Variants in SH3GLB1 observed in about 807,000 individuals in gnomAD.
SH3GLB1 encodes endophilin-B1.
In SH3GLB1, 17 loss-of-function variants were observed where a neutral mutation model predicts 42.0. The ratio of observed to expected loss-of-function variants is 0.40; its 90% CI spans 0.28 to 0.61. SH3GLB1 has a LOEUF of 0.61. Ranked by LOEUF, SH3GLB1 falls within the 20% of genes least tolerant of loss-of-function variation. The pLI, the probability that SH3GLB1 is intolerant of heterozygous loss-of-function variation, is 0.36. For missense variants in SH3GLB1, 355 were observed against 426.3 expected, an observed-to-expected ratio of 0.83 and a Z score of 1.47; for synonymous variants, 132 against 146.6, an observed-to-expected ratio of 0.90 and a Z score of 0.72.
At chr1:86,725,233 A>G (rs1655133352) in intron 5 of SH3GLB1, among the ~76,000 whole-genome samples, 1 of 151,870 alleles carries the variant, frequency 6.6e-6, no homozygotes, top group African/African-American at 2.4e-5. Flanking sequence ...CACTGCTCAA[A>G]CTAACTAAAA....
At chr1:86,740,047 G>A in intron 7 of SH3GLB1, among the ~76,000 whole-genome samples, 1 of 152,106 alleles carries the variant, frequency 6.6e-6, no homozygotes, top group East Asian at 1.9e-4. Context: ...TCAGGAAGCT[G>A]AGGCGAGAGA....
At chr1:86,739,078 T>A (rs1474887484) in intron 7 of SH3GLB1, among the ~76,000 whole-genome samples, 1 of 152,228 alleles carries the variant, frequency 6.6e-6, no homozygotes. Flanking sequence ...CAGTTTTAAA[T>A]ATGTTAAGTT....
At chr1:86,713,171 T>G (rs934066277) in intron 1 of SH3GLB1, among the ~76,000 whole-genome samples, 5 of 152,076 alleles carry the variant, frequency 3.3e-5, no homozygotes, top group Non-Finnish European at 7.4e-5. Context: ...AGAGATAGGG[T>G]CTTGCTGTGT....
At chr1:86,739,077 A>G (rs192728773) in intron 7 of SH3GLB1, among the ~76,000 whole-genome samples, 1 of 152,334 alleles carries the variant, frequency 6.6e-6, no homozygotes, top group Non-Finnish European at 1.5e-5. Context: ...CCAGTTTTAA[A>G]TATGTTAAGT....
At chr1:86,724,892 A>AAAAATATATATATATATATATATATAT (rs1291454820) in intron 5 of SH3GLB1, among the ~76,000 whole-genome samples, 2 of 99,668 alleles carry the variant, frequency 2.0e-5, no homozygotes, top group Non-Finnish European at 3.7e-5. Context: ...AAAAAAAAAA[A>AAAAATATATATATATATATATATATAT]ATATATATAT....
rs1319296945 is a variant in SH3GLB1, at chr1:86,743,800, G to T, written c.*565G>T. On this transcript the variant is annotated 3_prime_UTR_variant, in exon 9 of 9. Transcript: ENST00000370558. ...ATGATTTTAATATTATGTTTTGATG[G>T]GTTATTTTCAGAGTTGTTTGGTTTT... 2 of 152,468 alleles carry T rather than the reference G, an allele frequency of 1.3e-5. No individual in the cohort carries two copies. Among genetic ancestry groups the T allele is most frequent in the African/African-American group, 4.8e-5 (2 of 41,416 alleles). 9.4% of individuals were successfully genotyped at this position (152,468 alleles called of 1,614,324 possible). A position where few individuals can be genotyped will look rare whatever the true frequency, so the allele number is the denominator to read the frequency against.
At chr1:86,720,546 T>A (rs1179380251) in intron 3 of SH3GLB1, among the ~76,000 whole-genome samples, 3 of 152,218 alleles carry the variant, frequency 2.0e-5, no homozygotes, top group Non-Finnish European at 4.4e-5. Context: ...ATACACATCT[T>A]TATTGTCACT....
intron 1 of SH3GLB1, among the ~76,000 whole-genome samples, chr1:86,712,900 T>C (rs1654293783): frequency 6.6e-6 from 1 of 152,146 alleles, no homozygotes; most frequent in Non-Finnish European, 1.5e-5. Context: ...TTTCATACTC[T>C]TTTCAAAAAG....
chr1:86,707,741 C>T (rs1167143791), intron 1 of SH3GLB1, among the ~76,000 whole-genome samples: 1 of 151,290 alleles, frequency 6.6e-6, no homozygotes, highest in African/African-American at 2.4e-5. Context: ...CTTCGCCTCC[C>T]CGATTCAAGC....
At chr1:86,724,902 T>TATATA (rs1655097917) in intron 5 of SH3GLB1, among the ~76,000 whole-genome samples, 2 of 129,936 alleles carry the variant, frequency 1.5e-5, no homozygotes, top group African/African-American at 6.5e-5. Context: ...AATATATATA[T>TATATA]ATATATATAT....
chr1:86,713,953 T>A (rs902831924), intron 1 of SH3GLB1, among the ~76,000 whole-genome samples: 1 of 152,220 alleles, frequency 6.6e-6, no homozygotes, highest in African/African-American at 2.4e-5. Context: ...CCCATGTGTT[T>A]AGAAGAGTGC....
chr1:86,714,503 GC>G (rs1424397226), intron 1 of SH3GLB1, among the ~76,000 whole-genome samples: 2 of 152,158 alleles, frequency 1.3e-5, no homozygotes, highest in African/African-American at 2.4e-5. Context: ...GTTATTTCTA[GC>G]CCCTAAACAG....
intron 2 of SH3GLB1, among the ~76,000 whole-genome samples, chr1:86,718,042 G>GTTTT (rs34852185): frequency 7.2e-6 from 1 of 139,540 alleles, no homozygotes; most frequent in Admixed American, 7.2e-5. Flanking sequence ...ACACAAAGCT[G>GTTTT]TTTTTTTTTT....
chr1:86,748,041 A>G lies in SH3GLB1; in HGVS notation c.*4806A>G, dbSNP rs1656385898. On this transcript the variant is annotated 3_prime_UTR_variant, in exon 9 of 9. Transcript: ENST00000370558. ...TTTTGTAACTTTTTTTCACTCAACA[A>G]TACCATGACTGTCTTGCTGTGTCAA... 6.6e-6 allele frequency: 1 copy of G among 152,202 alleles called. No individual in the cohort carries two copies. The highest frequency in any genetic ancestry group is 2.4e-5 in the African/African-American group (1 of 41,456). The allele number at this position is 152,202 out of a possible 1,614,324, so 9.4% of individuals were successfully genotyped here.
At chr1:86,743,059 A>T in intron 8 of SH3GLB1, 69 bp from the exon 9 acceptor site, 4 of 1,209,248 alleles carry the variant, frequency 3.3e-6, no homozygotes, top group Non-Finnish European at 4.8e-6. Flanking sequence ...ATTAAATACA[A>T]ATCTGATTGG....
At chr1:86,719,327 A>G (rs1361352134) in intron 2 of SH3GLB1, among the ~76,000 whole-genome samples, 180 bp from the exon 3 acceptor site, 2 of 152,110 alleles carry the variant, frequency 1.3e-5, no homozygotes, top group Non-Finnish European at 2.9e-5. Context: ...AATTTCTAAA[A>G]TATAATTTTT....
chr1:86,712,765 A>T (rs1654285701), intron 1 of SH3GLB1, among the ~76,000 whole-genome samples: 1 of 107,588 alleles, frequency 9.3e-6, no homozygotes. Flanking sequence ...TAAAATAGTT[A>T]AAAAAAAAAA....
intron 1 of SH3GLB1, among the ~76,000 whole-genome samples, chr1:86,715,512 A>G (rs1057361282): frequency 6.6e-6 from 1 of 152,172 alleles, no homozygotes; most frequent in African/African-American, 2.4e-5. Flanking sequence ...AGGGTATGTG[A>G]TGACTGTAAG....
At chr1:86,711,679 G>T (rs1173963500) in intron 1 of SH3GLB1, among the ~76,000 whole-genome samples, 2 of 152,060 alleles carry the variant, frequency 1.3e-5, no homozygotes, top group South Asian at 2.1e-4. Flanking sequence ...ACTTGAAGAT[G>T]TTGAAAACTA....
Sources: gnomAD v4.1 joint callset for allele counts (sites outside exome capture counted in the v4.1 genomes callset) on GRCh38, gnomAD v4.1.1 for gene constraint, MANE v1.5 for transcripts, NCBI Gene and HGNC (gene_info 2026-07-23, HGNC 2026-07-21) for gene names.